The following ROBO1 variants were observed in gnomAD, a reference collection of about 807,000 sequenced individuals.
ROBO1 encodes the protein roundabout guidance receptor 1, also known as roundabout homolog 1.
Under a neutral mutation model 195.9 loss-of-function variants are expected in ROBO1, and 149 were observed. The observed-to-expected ratio is 0.76, with a 90% CI of 0.67 to 0.87. The LOEUF (loss-of-function observed/expected upper bound fraction) is 0.87, where lower values mean the gene tolerates loss of function less well. Among genes scored for constraint, ROBO1 ranks in the 40% least tolerant of loss-of-function variants. The probability of loss-of-function intolerance (pLI) is 0.00; values close to 1 mark genes in which losing one functional copy is unlikely to be tolerated. For missense variants in ROBO1, 1,933 were observed against 2,068.3 expected, an observed-to-expected ratio of 0.93 and a Z score of 1.27; for synonymous variants, 816 against 733.2, an observed-to-expected ratio of 1.11 and a Z score of -1.82.
chr3:79,008,929 G>GTGTGTGTC (rs58309796), intron 3 of ROBO1, among the ~76,000 whole-genome samples: 1 of 143,808 alleles, frequency 7.0e-6, no homozygotes, highest in Non-Finnish European at 1.5e-5. Context: ...GTGTGTGTGT[G>GTGTGTGTC]TATGGTTTTG....
intron 15 of ROBO1, 91 bp downstream of exon 15, chr3:78,661,902 C>A (rs573181427): frequency 3.6e-6 from 5 of 1,382,634 alleles, no homozygotes; most frequent in Non-Finnish European, 4.9e-6. Context: ...CATTAATGTA[C>A]AAGTAGGCAA....
chr3:79,518,463 T>C (rs889982369), intron 2 of ROBO1, among the ~76,000 whole-genome samples: 1 of 152,104 alleles, frequency 6.6e-6, no homozygotes, highest in Non-Finnish European at 1.5e-5. Flanking sequence ...TCAGGTAGTT[T>C]TAGAGTTGCT....
intron 3 of ROBO1, among the ~76,000 whole-genome samples, chr3:79,094,458 A>G (rs2079530085): frequency 6.6e-6 from 1 of 152,100 alleles, no homozygotes; most frequent in South Asian, 2.1e-4. Context: ...CAAACAGAAA[A>G]GGACCTCCAG....
intron 1 of ROBO1, among the ~76,000 whole-genome samples, chr3:79,762,250 G>A (rs78021220): frequency 6.6e-6 from 1 of 151,894 alleles, no homozygotes; most frequent in African/African-American, 2.4e-5. Flanking sequence ...GTTTAGTCGG[G>A]GGGGAAGGGG....
At chr3:78,663,315 A>G (rs1378345388) in intron 14 of ROBO1, among the ~76,000 whole-genome samples, 1 of 151,294 alleles carries the variant, frequency 6.6e-6, no homozygotes, top group Admixed American at 6.6e-5. Context: ...AATTAAGCTG[A>G]TAAATAAGCA....
intron 1 of ROBO1, among the ~76,000 whole-genome samples, chr3:79,624,714 C>T (rs1945115427): frequency 6.6e-6 from 1 of 151,860 alleles, no homozygotes; most frequent in Admixed American, 6.6e-5. Flanking sequence ...TCTTAGAGAC[C>T]TATAAAGAGA....
intron 1 of ROBO1, among the ~76,000 whole-genome samples, chr3:79,680,636 C>T (rs1946917085): frequency 6.6e-6 from 1 of 151,952 alleles, no homozygotes; most frequent in Admixed American, 6.6e-5. Context: ...CAAGCATATT[C>T]AGCTGGTGCA....
intron 1 of ROBO1, among the ~76,000 whole-genome samples, chr3:79,748,784 T>C (rs1163857121): frequency 1.3e-5 from 2 of 152,178 alleles, no homozygotes; most frequent in African/African-American, 2.4e-5. Flanking sequence ...CCATGTAAGA[T>C]GTGACTTGCT....
chr3:78,893,140 G>C (rs1184708168), intron 4 of ROBO1, among the ~76,000 whole-genome samples: 1 of 152,180 alleles, frequency 6.6e-6, no homozygotes, highest in Non-Finnish European at 1.5e-5. Flanking sequence ...TTCGTTGCTA[G>C]GCTTCATGTA....
chr3:78,983,638 A>C (rs1005529819), intron 3 of ROBO1, among the ~76,000 whole-genome samples: 1 of 152,256 alleles, frequency 6.6e-6, no homozygotes, highest in African/African-American at 2.4e-5. Context: ...ATAGAGAATA[A>C]TACAGAAAAT....
intron 4 of ROBO1, among the ~76,000 whole-genome samples, chr3:78,889,320 C>T (rs2036748959): frequency 6.6e-6 from 1 of 152,100 alleles, no homozygotes; most frequent in Non-Finnish European, 1.5e-5. Flanking sequence ...CAGGGGAACC[C>T]TAGAGGCTAC....
chr3:79,500,202 C>T (rs374868092), intron 2 of ROBO1, among the ~76,000 whole-genome samples: 33 of 142,262 alleles, frequency 2.3e-4, no homozygotes, highest in African/African-American at 8.7e-4. Context: ...GCTATCTCAG[C>T]TCGCTGCAAC....
intron 1 of ROBO1, among the ~76,000 whole-genome samples, chr3:79,650,430 A>G (rs1385215755): frequency 6.6e-6 from 1 of 151,766 alleles, no homozygotes; most frequent in Non-Finnish European, 1.5e-5. Flanking sequence ...ATTCTTTAAA[A>G]AGGTATTACA....
intron 4 of ROBO1, among the ~76,000 whole-genome samples, chr3:78,892,678 T>C (rs886987871): frequency 6.6e-6 from 1 of 152,172 alleles, no homozygotes; most frequent in African/African-American, 2.4e-5. Context: ...AAGGCTGCAA[T>C]ATTTTTGGTA....
intron 4 of ROBO1, among the ~76,000 whole-genome samples, chr3:78,757,030 T>G (rs567271791): frequency 1.1e-4 from 17 of 152,296 alleles, no homozygotes; most frequent in Admixed American, 1.0e-3. Flanking sequence ...TAGCTGGGAT[T>G]ACAGGCAAGC....
intron 3 of ROBO1, among the ~76,000 whole-genome samples, chr3:78,956,201 G>GGGTA (rs2041040294): frequency 6.6e-6 from 1 of 151,860 alleles, no homozygotes; most frequent in South Asian, 2.1e-4. Context: ...TTTTCTAAAG[G>GGGTA]GGTAAGTAAA....
intron 3 of ROBO1, among the ~76,000 whole-genome samples, chr3:79,087,831 C>T (rs1394369017): frequency 6.6e-6 from 1 of 152,020 alleles, no homozygotes; most frequent in African/African-American, 2.4e-5. Flanking sequence ...TAATCTACCC[C>T]AAACAATATT....
intron 1 of ROBO1, among the ~76,000 whole-genome samples, chr3:79,625,432 A>AAAAAAAAAAAAAAAAAG (rs1945142313): frequency 7.0e-6 from 1 of 143,278 alleles, no homozygotes; most frequent in Non-Finnish European, 1.5e-5. Context: ...TGAAAAAAAA[A>AAAAAAAAAAAAAAAAAG]AAAAAAAAAA....
intron 1 of ROBO1, among the ~76,000 whole-genome samples, chr3:79,599,920 T>C (rs1263981009): frequency 6.6e-6 from 1 of 152,000 alleles, no homozygotes; most frequent in African/African-American, 2.4e-5. Flanking sequence ...TCTTATTTTA[T>C]AGCTAAAATT....
Sources: gnomAD v4.1 joint callset for allele counts (sites outside exome capture counted in the v4.1 genomes callset) on GRCh38, gnomAD v4.1.1 for gene constraint, MANE v1.5 for transcripts, NCBI Gene and HGNC (gene_info 2026-07-23, HGNC 2026-07-21) for gene names.